Variants in HACE1 observed in about 807,000 individuals in gnomAD.
HACE1 encodes the protein E3 ubiquitin-protein ligase HACE1.
HACE1 carries 73 observed loss-of-function variants against 118.4 expected under a neutral mutation model. The ratio of observed to expected loss-of-function variants is 0.62; its 90% CI spans 0.51 to 0.75. HACE1 has a LOEUF of 0.75. Among genes scored for constraint, HACE1 ranks in the 30% least tolerant of loss-of-function variants. The probability of loss-of-function intolerance (pLI) is 0.00; values close to 1 mark genes in which losing one functional copy is unlikely to be tolerated. For synonymous variants in HACE1, 368 were observed against 374.8 expected (o/e 0.98, Z 0.21); for missense variants, 749 against 1,102.2 (o/e 0.68, Z 4.54).
intron 6 of HACE1, among the ~76,000 whole-genome samples, chr6:104,826,625 C>A (rs1773358821): frequency 6.6e-6 from 1 of 152,158 alleles, no homozygotes; most frequent in Non-Finnish European, 1.5e-5. Flanking sequence ...AGCGCAGTGG[C>A]TTACAATTTA....
Position 104,791,488 on chromosome 6 carries a change from C to T in HACE1, c.1074+16G>A, listed in dbSNP as rs574251174. The T allele has an allele frequency of 1.2e-6, 2 of 1,600,360 alleles. No individual in the cohort carries two copies. The highest frequency in any genetic ancestry group is 1.1e-5 in the South Asian group (1 of 90,780). The stretch of plus-strand genomic sequence containing the variant: ...TTTACGTCTATCTTCCTAACAATGC[C>T]ATATACTTTTCTCACCTTGAACACC... On this transcript the variant is annotated intron_variant, in intron 11 of 23. Transcript: ENST00000262903.
intron 6 of HACE1, among the ~76,000 whole-genome samples, chr6:104,823,201 G>A (rs1463779233): frequency 6.6e-6 from 1 of 152,078 alleles, no homozygotes; most frequent in African/African-American, 2.4e-5. Context: ...CACTCTGGGA[G>A]GCCAGGTGGA....
chr6:104,853,917 A>T (rs1776476985), intron 1 of HACE1, among the ~76,000 whole-genome samples: 1 of 152,168 alleles, frequency 6.6e-6, no homozygotes, highest in Admixed American at 6.6e-5. Flanking sequence ...TTAATTTATA[A>T]ATTGGGCACA....
At position 104,785,075 on chromosome 6, in the gene HACE1, T is replaced by A. The variant is rs2114797149; in HGVS notation, c.1319A>T (p.Asp440Val). 1 of 1,613,814 alleles carries A rather than the reference T, an allele frequency of 6.2e-7. No individual in the cohort carries two copies. The highest frequency in any genetic ancestry group is 1.1e-5 in the South Asian group (1 of 91,018). Residue 440 changes from aspartate (D) to valine (V), a missense_variant, in exon 12 of 24, where the codon GAT (aspartate) becomes GTT (valine). By Grantham distance (152) the Asp-to-Val change is radical (BLOSUM62 -3). Transcript: ENST00000262903. The part of the protein sequence containing the change: ...ALAGRQEASA[D>V]CQDVISMTAN... ...TGTCATAGAAATAACATCCTGACAA[T>A]CTGCACTGGCTTCCTGTCTCCCTGC... is the stretch of plus-strand genomic sequence containing the variant.
In HACE1 at chr6:104,754,590, A is replaced by C. The variant is rs1389177401; in HGVS notation, c.2212-4118T>G. ...CCTTCAGACTAATAGCAAACCTCTCAGTAAAAACCCTGCAAGCCAGAAGAG... is the reference window on the plus strand; with the variant it reads ...CCTTCAGACTAATAGCAAACCTCTCCGTAAAAACCCTGCAAGCCAGAAGAG... On this transcript the variant is annotated intron_variant, in intron 19 of 23. Coordinates refer to ENST00000262903, the MANE Select transcript of HACE1 (RefSeq NM_020771.4). Among the ~76,000 whole-genome samples the C allele has an allele frequency of 2.0e-5, 3 of 152,360 alleles. No individual in the cohort carries two copies. In the East Asian group the frequency reaches 5.8e-4, roughly 29 times the overall value.
intron 5 of HACE1, among the ~76,000 whole-genome samples, chr6:104,838,671 C>T (rs542818514): frequency 6.6e-6 from 1 of 152,026 alleles, no homozygotes; most frequent in East Asian, 1.9e-4. Context: ...ACCCCTTGAG[C>T]AAATTTCTTG....
chr6:104,750,803 C>T (rs1463958063), intron 19 of HACE1, among the ~76,000 whole-genome samples: 1 of 152,190 alleles, frequency 6.6e-6, no homozygotes, highest in Non-Finnish European at 1.5e-5. Flanking sequence ...ATTACTGCAA[C>T]ATCTGGTGTC....
intron 19 of HACE1, among the ~76,000 whole-genome samples, chr6:104,754,463 A>C (rs1353793794): frequency 6.6e-6 from 1 of 152,180 alleles, no homozygotes; most frequent in African/African-American, 2.4e-5. Context: ...ATGTGTCTTC[A>C]CATCAGATTC....
At chr6:104,831,988 A>AAGAGG (rs1562471383) in intron 6 of HACE1, among the ~76,000 whole-genome samples, 137 of 53,874 alleles carry the variant, frequency 2.5e-3, no homozygotes, top group Non-Finnish European at 4.3e-3. Context: ...GAGAGGAAGG[A>AAGAGG]AGGAAGGAAG....
At chr6:104,754,739 G>A (rs1470856298) in intron 19 of HACE1, among the ~76,000 whole-genome samples, 1 of 152,146 alleles carries the variant, frequency 6.6e-6, no homozygotes, top group Non-Finnish European at 1.5e-5. Flanking sequence ...CAAATGCTGA[G>A]GGAATTTGTT....
intron 7 of HACE1, among the ~76,000 whole-genome samples, chr6:104,804,074 ACAAACAGAGAGC>A (rs1770711770): frequency 1.3e-5 from 2 of 152,188 alleles, no homozygotes; most frequent in South Asian, 4.1e-4. Context: ...CCAATAACAG[ACAAACAGAGAGC>A]CAAATCATGA....
rs1263589304 is a variant in HACE1, at chr6:104,777,388, GC to G, written c.1567-72del. 43 of 895,520 alleles carry G rather than the reference GC, an allele frequency of 4.8e-5. No individual in the cohort carries two copies. In the East Asian group the frequency reaches 1.0e-3, roughly 21 times the overall value. 55.5% of individuals were successfully genotyped at this position (895,520 alleles called of 1,614,324 possible). On this transcript the variant is annotated intron_variant, in intron 14 of 23. Transcript: ENST00000262903. ...ATCTAATTATCAGATTTACTAGCTT[GC>G]TAAATGCCTTTTCTACAAATAATCA... is the stretch of plus-strand genomic sequence containing the variant.
In HACE1 at chr6:104,833,036, A is replaced by G. The variant is rs1272028131; in HGVS notation, c.534+6T>C. On this transcript the variant is annotated splice_donor_region_variant and intron_variant, in intron 6 of 23. Coordinates refer to ENST00000262903, the MANE Select transcript of HACE1 (RefSeq NM_020771.4). ...TGCAGCTTAAAGTCCTCATGGCTCA[A>G]CTTACCGTCTTGTGACCGTTCTGGC... The G allele has an allele frequency of 6.2e-7, 1 of 1,612,992 alleles. No individual in the cohort carries two copies. Among genetic ancestry groups the G allele is most frequent in the East Asian group, 2.2e-5 (1 of 44,884 alleles).
intron 22 of HACE1, among the ~76,000 whole-genome samples, chr6:104,734,888 C>A (rs1055338458): frequency 6.6e-6 from 1 of 152,058 alleles, no homozygotes; most frequent in Non-Finnish European, 1.5e-5. Context: ...CTGACCAAAT[C>A]ATGGGGAAAA....
chr6:104,763,345 G>A (rs528905351), intron 19 of HACE1, among the ~76,000 whole-genome samples: 32 of 152,210 alleles, frequency 2.1e-4, no homozygotes, highest in South Asian at 6.2e-4. Flanking sequence ...GACCAGAAGC[G>A]TTTCAAATTT....
intron 22 of HACE1, among the ~76,000 whole-genome samples, chr6:104,734,714 G>C (rs549575983): frequency 3.2e-4 from 48 of 152,206 alleles, no homozygotes; most frequent in African/African-American, 1.2e-3. Flanking sequence ...ATAATAAATA[G>C]CACACCTCTT....
intron 19 of HACE1, among the ~76,000 whole-genome samples, chr6:104,760,513 C>T (rs1368463889): frequency 6.6e-6 from 1 of 152,230 alleles, no homozygotes; most frequent in South Asian, 2.1e-4. Flanking sequence ...GCTAAAAACT[C>T]TCAGTAAACT....
intron 20 of HACE1, 52 bp downstream of exon 20, chr6:104,750,289 C>CA (rs2114560893): frequency 1.4e-6 from 2 of 1,465,702 alleles, no homozygotes; most frequent in African/African-American, 2.8e-5. Context: ...ATTACATCAA[C>CA]TAGAGTTTTT....
intron 1 of HACE1, chr6:104,858,560 G>A (rs1476483715): frequency 3.0e-6 from 1 of 338,286 alleles, no homozygotes; most frequent in Admixed American, 3.8e-5. Flanking sequence ...GAAAATTATC[G>A]CCAAAGTACC....
Sources: gnomAD v4.1 joint callset for allele counts (sites outside exome capture counted in the v4.1 genomes callset) on GRCh38, gnomAD v4.1.1 for gene constraint, MANE v1.5 for transcripts, NCBI Gene and HGNC (gene_info 2026-07-23, HGNC 2026-07-21) for gene names.